EDN3: variants seen among roughly 807,000 people sequenced by gnomAD.
The protein encoded by EDN3 is endothelin-3.
Under a neutral mutation model 21.4 loss-of-function variants are expected in EDN3, and 9 were observed. The ratio of observed to expected loss-of-function variants is 0.42; its 90% CI spans 0.25 to 0.73. The LOEUF (loss-of-function observed/expected upper bound fraction) is 0.73, where lower values mean the gene tolerates loss of function less well. Ranked by LOEUF, EDN3 falls within the 30% of genes least tolerant of loss-of-function variation. EDN3 has a pLI of 0.26. For missense variants in EDN3, 327 were observed against 309.4 expected (o/e 1.06, Z -0.43); for synonymous variants, 133 against 126.2 (o/e 1.05, Z -0.36).
At chr20:59,307,023 T>C (rs1284155375) in intron 2 of EDN3, among the ~76,000 whole-genome samples, 2 of 152,200 alleles carry the variant, frequency 1.3e-5, no homozygotes, top group Non-Finnish European at 2.9e-5. Context: ...CATGTGCCTG[T>C]AGTCCCAGCT....
At position 59,322,260 on chromosome 20, in the gene EDN3, G is replaced by A. The variant is rs955458931; in HGVS notation, c.543-112G>A. 4.2e-5 allele frequency: 50 copies of A among 1,200,480 alleles called. No individual in the cohort carries two copies. Among genetic ancestry groups the A allele is most frequent in the Non-Finnish European group, 4.3e-5 (35 of 810,850 alleles). The allele number at this position is 1,200,480 out of a possible 1,614,324, so 74.4% of individuals were successfully genotyped here. A position where few individuals can be genotyped will look rare whatever the true frequency, so the allele number is the denominator to read the frequency against. On this transcript the variant is annotated intron_variant, in intron 3 of 4. Transcript: ENST00000337938. The surrounding 1 kb of genome is among the most constrained non-coding windows in gnomAD (Gnocchi z 4.1). ...ACTGTGCCTGAGACGCAGTCCTTGGGGAACGCACTAATGTGCTCATTGGTG... is the reference window on the plus strand; with the variant it reads ...ACTGTGCCTGAGACGCAGTCCTTGGAGAACGCACTAATGTGCTCATTGGTG...
rs541994896 is a variant in EDN3, at chr20:59,320,423, G to A, written c.366-594G>A. 4.6e-5 allele frequency among the ~76,000 whole-genome samples: 7 copies of A among 152,382 alleles called. No homozygotes were observed. In the South Asian group the frequency reaches 1.5e-3, roughly 32 times the overall value. ...AGGCAGGTGATCTGATCAGGGCGAA[G>A]ACCCAGACCAGCACGTAGGTTGCCC... On this transcript the variant is annotated intron_variant, in intron 2 of 4. Coordinates refer to ENST00000337938, the MANE Select transcript of EDN3 (RefSeq NM_207034.3).
At chr20:59,317,872 G>A (rs1480896306) in intron 2 of EDN3, among the ~76,000 whole-genome samples, 2 of 152,180 alleles carry the variant, frequency 1.3e-5, no homozygotes, top group African/African-American at 4.8e-5. Context: ...TGAGGCCCAT[G>A]GTGGGTAAAA....
intron 2 of EDN3, among the ~76,000 whole-genome samples, chr20:59,306,776 G>A (rs1273875545): frequency 6.6e-6 from 1 of 152,106 alleles, no homozygotes; most frequent in African/African-American, 2.4e-5. Context: ...CAATAGAACG[G>A]TTGGATCTGG....
intron 2 of EDN3, among the ~76,000 whole-genome samples, chr20:59,314,982 G>T (rs1990083212): frequency 6.6e-6 from 1 of 152,206 alleles, no homozygotes; most frequent in Non-Finnish European, 1.5e-5. Context: ...AGGTGTGCTG[G>T]AGGGCATTTT....
chr20:59,324,323 C>T lies in EDN3; in HGVS notation c.589-8C>T, dbSNP rs1486095008. ...TTTTTTTTCTTTTGCCCCCTTTCCC[C>T]AAGACAGGTTGAAGTCAAGGACCAA... On this transcript the variant is annotated splice_polypyrimidine_tract_variant and splice_region_variant and intron_variant, in intron 4 of 4. Coordinates refer to ENST00000337938, the MANE Select transcript of EDN3 (RefSeq NM_207034.3). 1.2e-6 allele frequency: 2 copies of T among 1,614,108 alleles called. No homozygotes were observed. Among genetic ancestry groups the T allele is most frequent in the Admixed American group, 3.3e-5 (2 of 60,012 alleles).
intron 2 of EDN3, among the ~76,000 whole-genome samples, chr20:59,316,454 A>C (rs976011136): frequency 1.1e-4 from 17 of 152,214 alleles, no homozygotes; most frequent in African/African-American, 4.1e-4. Context: ...CTTTCCTAAG[A>C]ATTTAGAATC....
intron 2 of EDN3, among the ~76,000 whole-genome samples, chr20:59,306,871 G>A (rs984930644): frequency 2.6e-5 from 4 of 152,134 alleles, no homozygotes; most frequent in African/African-American, 7.2e-5. Context: ...TGGGCCAGGC[G>A]CGGTGGCTCA....
chr20:59,324,644 T>G lies in EDN3; in HGVS notation c.*185T>G. Reference sequence around the variant, plus strand: ...TGCCCAAATCCGAATGACCCCAGTTTTCCTAATGAGTAAAATGATCCCAGA... The same window carrying G: ...TGCCCAAATCCGAATGACCCCAGTTGTCCTAATGAGTAAAATGATCCCAGA... On this transcript the variant is annotated 3_prime_UTR_variant, in exon 5 of 5. Coordinates refer to ENST00000337938, the MANE Select transcript of EDN3 (RefSeq NM_207034.3). 2 of 749,286 alleles carry G rather than the reference T, an allele frequency of 2.7e-6. No individual in the cohort carries two copies. Among genetic ancestry groups the G allele is most frequent in the Non-Finnish European group, 4.4e-6 (2 of 454,344 alleles). The allele number at this position is 749,286 out of a possible 1,614,324, so 46.4% of individuals were successfully genotyped here.
rs1428906326 is a variant in EDN3, at chr20:59,322,023, A to C, written c.543-349A>C. Among the ~76,000 whole-genome samples, 1 of 152,172 alleles carries C rather than the reference A, an allele frequency of 6.6e-6. No homozygotes were observed. The highest frequency in any genetic ancestry group is 1.5e-5 in the Non-Finnish European group (1 of 68,032). Reference sequence around the variant, plus strand: ...GCGTAGGTGAGCTGCCCTGATGCACACAAAAGACACATAGGCAGGGGTGAG... The same window carrying C: ...GCGTAGGTGAGCTGCCCTGATGCACCCAAAAGACACATAGGCAGGGGTGAG... On this transcript the variant is annotated intron_variant, in intron 3 of 4. Coordinates refer to ENST00000337938, the MANE Select transcript of EDN3 (RefSeq NM_207034.3). The surrounding 1 kb of genome is among the most constrained non-coding windows in gnomAD (Gnocchi z 4.1).
chr20:59,317,973 T>G (rs555728283), intron 2 of EDN3, among the ~76,000 whole-genome samples: 6 of 152,196 alleles, frequency 3.9e-5, no homozygotes, highest in South Asian at 4.2e-4. Context: ...GCCCTGTGGG[T>G]TAGAGGACTG....
rs1368364460 is a variant in EDN3, at chr20:59,321,118, A to C, written c.467A>C (p.His156Pro). 2.5e-6 allele frequency: 4 copies of C among 1,614,202 alleles called. No homozygotes were observed. Among genetic ancestry groups the C allele is most frequent in the Non-Finnish European group, 3.4e-6 (4 of 1,180,030 alleles). Residue 156 changes from histidine (H) to proline (P), a missense_variant, in exon 3 of 5, where the codon CAC becomes CCC. His to Pro is a moderately conservative substitution (Grantham distance 77). Coordinates refer to ENST00000337938, the MANE Select transcript of EDN3 (RefSeq NM_207034.3). Reference protein sequence around the residue: ...PGNLQLSHRPHLRCACVGRYD... With the variant: ...PGNLQLSHRPPLRCACVGRYD... ...AATCTGCAGCTCTCACATCGGCCAC[A>C]CTTGCGCTGCGCTTGTGTGGGGAGA...
intron 2 of EDN3, among the ~76,000 whole-genome samples, chr20:59,316,022 A>G (rs1042425711): frequency 1.3e-5 from 2 of 152,232 alleles, no homozygotes; most frequent in Non-Finnish European, 2.9e-5. Flanking sequence ...TGTCTCTACT[A>G]AAAATACAAA....
chr20:59,304,639 C>T (rs528031377), intron 2 of EDN3, among the ~76,000 whole-genome samples: 2 of 152,114 alleles, frequency 1.3e-5, no homozygotes, highest in Non-Finnish European at 2.9e-5. Flanking sequence ...TTGCTCCCTT[C>T]GAGGATCTGA....
In EDN3 at chr20:59,324,337, G is replaced by A. The variant is rs779040805; in HGVS notation, c.595G>A (p.Val199Ile). Residue 199 changes from valine (V) to isoleucine (I), a missense_variant, in exon 5 of 5, where the codon GTC (valine) becomes ATC (isoleucine). Coordinates refer to ENST00000337938, the MANE Select transcript of EDN3 (RefSeq NM_207034.3). ...TDKEEEGKVE[V>I]KDQQSKQALD... ...CCCCCTTTCCCCAAGACAGGTTGAA[G>A]TCAAGGACCAACAAAGCAAGCAGGC... 2 of 1,614,010 alleles carry A rather than the reference G, an allele frequency of 1.2e-6. No homozygotes were observed. The highest frequency in any genetic ancestry group is 2.2e-5 in the East Asian group (1 of 44,868).
chr20:59,312,321 T>C (rs1174223547), intron 2 of EDN3, among the ~76,000 whole-genome samples: 1 of 152,218 alleles, frequency 6.6e-6, no homozygotes, highest in Non-Finnish European at 1.5e-5. Context: ...TAGGATTCCA[T>C]AGACGGCTTA....
At chr20:59,319,662 G>A (rs538541279) in intron 2 of EDN3, among the ~76,000 whole-genome samples, 46 of 149,728 alleles carry the variant, frequency 3.1e-4, no homozygotes, top group African/African-American at 1.1e-3. Context: ...GGAGGCAGAG[G>A]TTGCAGTGAG....
rs57144708 is a variant in EDN3 at position 59,306,595 on chromosome 20, TAAAAAA to T, written c.365+4892_365+4897del. 1.3e-3 allele frequency among the ~76,000 whole-genome samples: 83 copies of T among 62,456 alleles called. 1 individual carries two copies. The highest frequency in any genetic ancestry group is 0.016 in the Middle Eastern group (2 of 128). The allele number at this position is 62,456 out of a possible 152,430, so 41.0% of individuals were successfully genotyped here. ...TTTTCTCCCCTAAATGCATAAAGAGTAAAAAAAAAAAAAAAAAAAAAAAAGCATTAA... is the reference window on the plus strand; with the variant it reads ...TTTTCTCCCCTAAATGCATAAAGAGTAAAAAAAAAAAAAAAAAAGCATTAA... On this transcript the variant is annotated intron_variant, in intron 2 of 4. Transcript: ENST00000337938.
chr20:59,300,807 AGGTTCATGGAGCCGG>A lies in EDN3; in HGVS notation c.-3_12del. On this transcript the variant is annotated start_lost and 5_prime_UTR_variant, in exon 1 of 5. Coordinates refer to ENST00000337938, the MANE Select transcript of EDN3 (RefSeq NM_207034.3). Reference sequence around the variant, plus strand: ...GGTCCGGTGCTCCGGCGCCTGATCTAGGTTCATGGAGCCGGGGCTGTGGCTCCTTTTCGGGCTCAC... The same window carrying A: ...GGTCCGGTGCTCCGGCGCCTGATCTAGGCTGTGGCTCCTTTTCGGGCTCAC... The A allele has an allele frequency of 6.2e-7, 1 of 1,610,338 alleles. No individual in the cohort carries two copies. Among genetic ancestry groups the A allele is most frequent in the Non-Finnish European group, 8.5e-7 (1 of 1,179,250 alleles).
Sources: gnomAD v4.1 joint callset for allele counts (sites outside exome capture counted in the v4.1 genomes callset) on GRCh38, gnomAD v4.1.1 for gene constraint, Gnocchi (gnomAD v3.1) non-coding constraint, MANE v1.5 for transcripts, NCBI Gene and HGNC (gene_info 2026-07-23, HGNC 2026-07-21) for gene names.